AKAP19: variants seen among roughly 807,000 people sequenced by gnomAD.
AKAP19 encodes the protein A-kinase anchoring protein 19, also known as small A-kinase anchoring protein.
the AKAP19 span, among the ~76,000 whole-genome samples, chr2:190,111,401 A>G: frequency 6.6e-6 from 1 of 152,172 alleles, no homozygotes; most frequent in East Asian, 1.9e-4. Flanking sequence ...TGAGCCTTAG[A>G]GTGCCCAGTG....
the AKAP19 span, among the ~76,000 whole-genome samples, chr2:190,011,050 CTTTTTTTTT>C: frequency 8.4e-5 from 5 of 59,554 alleles, no homozygotes; most frequent in Admixed American, 2.4e-4. Flanking sequence ...CTCTCTCTCT[CTTTTTTTTT>C]TTTTTTTTTT....
the AKAP19 span, among the ~76,000 whole-genome samples, chr2:189,952,167 A>T: frequency 6.6e-6 from 1 of 152,150 alleles, no homozygotes; most frequent in Non-Finnish European, 1.5e-5. Flanking sequence ...TTTTTCAGAC[A>T]TTCATTTTCC....
chr2:190,147,538 G>A, the AKAP19 span, among the ~76,000 whole-genome samples: 3 of 152,086 alleles, frequency 2.0e-5, no homozygotes, highest in Non-Finnish European at 2.9e-5. Flanking sequence ...TGTGAAGAAC[G>A]ATGGTGGTAT....
At chr2:189,906,619 A>G in the AKAP19 span, among the ~76,000 whole-genome samples, 3 of 152,166 alleles carry the variant, frequency 2.0e-5, no homozygotes, top group Admixed American at 2.0e-4. Context: ...TTGTATAAGC[A>G]TTACCCCATG....
chr2:190,195,888 G>A, the AKAP19 span, among the ~76,000 whole-genome samples: 5 of 146,530 alleles, frequency 3.4e-5, no homozygotes, highest in African/African-American at 1.3e-4. Flanking sequence ...TTATATTTAG[G>A]TCTATGATCC....
chr2:189,975,336 C>G, the AKAP19 span, among the ~76,000 whole-genome samples: 1 of 152,202 alleles, frequency 6.6e-6, no homozygotes, highest in African/African-American at 2.4e-5. Context: ...TGTAGAGTTT[C>G]TGCTGAGAGA....
At chr2:190,110,860 C>G in the AKAP19 span, among the ~76,000 whole-genome samples, 1 of 152,212 alleles carries the variant, frequency 6.6e-6, no homozygotes, top group Non-Finnish European at 1.5e-5. Flanking sequence ...CTCTATTACA[C>G]AGTCTAAGTC....
At chr2:189,937,558 C>CTCTATAGGAAAAAAA in the AKAP19 span, among the ~76,000 whole-genome samples, 1 of 151,958 alleles carries the variant, frequency 6.6e-6, no homozygotes, top group African/African-American at 2.4e-5. Flanking sequence ...TTGAGCAAAA[C>CTCTATAGGAAAAAAA]TCTATAGGAA....
chr2:190,169,395 T>C, the AKAP19 span, among the ~76,000 whole-genome samples: 1 of 152,098 alleles, frequency 6.6e-6, no homozygotes, highest in Non-Finnish European at 1.5e-5. Context: ...CTCAAGCTGG[T>C]GAGGTGGTCT....
the AKAP19 span, among the ~76,000 whole-genome samples, chr2:189,893,215 C>T: frequency 2.0e-5 from 3 of 152,144 alleles, no homozygotes; most frequent in Non-Finnish European, 4.4e-5. Context: ...GCCCCCTTTC[C>T]GGAGGAGTGA....
chr2:190,076,551 T>G, the AKAP19 span, among the ~76,000 whole-genome samples: 4 of 152,236 alleles, frequency 2.6e-5, no homozygotes, highest in African/African-American at 9.6e-5. Flanking sequence ...GACATTTCAC[T>G]GGATATGGAA....
At chr2:189,926,860 G>C in the AKAP19 span, among the ~76,000 whole-genome samples, 1 of 151,926 alleles carries the variant, frequency 6.6e-6, no homozygotes, top group Non-Finnish European at 1.5e-5. Context: ...TGGGATTATA[G>C]GCATGAGCCA....
chr2:190,155,622 T>C, the AKAP19 span, among the ~76,000 whole-genome samples: 1 of 152,114 alleles, frequency 6.6e-6, no homozygotes, highest in Non-Finnish European at 1.5e-5. Flanking sequence ...TAAGAACTGA[T>C]ATGAACAGGT....
the AKAP19 span, among the ~76,000 whole-genome samples, chr2:189,987,726 C>T: frequency 1.3e-5 from 2 of 152,162 alleles, no homozygotes; most frequent in South Asian, 4.1e-4. Context: ...ACTATTAGAT[C>T]AAGGGGATCT....
At chr2:189,917,156 T>G in the AKAP19 span, 1 of 520,432 alleles carries the variant, frequency 1.9e-6, no homozygotes, top group Non-Finnish European at 3.3e-6. Context: ...TGTAATGATT[T>G]AAACAAAAGT....
the AKAP19 span, among the ~76,000 whole-genome samples, chr2:189,967,020 C>T: frequency 6.1e-4 from 93 of 152,150 alleles, no homozygotes; most frequent in Admixed American, 1.8e-3. Flanking sequence ...AATAGAAGTA[C>T]CGATACATGG....
chr2:189,956,603 G>A, the AKAP19 span, among the ~76,000 whole-genome samples: 2 of 151,732 alleles, frequency 1.3e-5, no homozygotes, highest in East Asian at 3.9e-4. Context: ...TTTTGAGATA[G>A]GGTCTCACTC....
the AKAP19 span, among the ~76,000 whole-genome samples, chr2:190,193,159 T>A: frequency 6.6e-6 from 1 of 152,234 alleles, no homozygotes; most frequent in Non-Finnish European, 1.5e-5. Context: ...TTGCTGGGAT[T>A]TTAAAAATAA....
the AKAP19 span, among the ~76,000 whole-genome samples, chr2:190,131,566 GT>G: frequency 6.6e-6 from 1 of 152,186 alleles, no homozygotes; most frequent in African/African-American, 2.4e-5. Flanking sequence ...TAAATAAAGT[GT>G]TTCCCCAAGT....
Sources: allele counts gnomAD v4.1 joint callset (sites outside exome capture counted in the v4.1 genomes callset), GRCh38; gene constraint gnomAD v4.1.1; transcripts MANE v1.5; gene names NCBI Gene and HGNC (gene_info 2026-07-23, HGNC 2026-07-21).